ODF2: variants seen among roughly 807,000 people sequenced by gnomAD.
ODF2 encodes outer dense fiber protein 2.
ODF2 carries 47 observed loss-of-function variants against 110.2 expected under a neutral mutation model. The observed-to-expected ratio is 0.43, with a 90% confidence interval of 0.34 to 0.54. The LOEUF is 0.54. Ranked by LOEUF, ODF2 falls within the 20% of genes least tolerant of loss-of-function variation. ODF2 has a pLI of 0.03. For missense variants in ODF2, 812 were observed against 1,054.5 expected (o/e 0.77, Z 3.19); for synonymous variants, 352 against 397.7 (o/e 0.89, Z 1.37).
At chr9:128,476,998 C>CT (rs1253771162) in intron 8 of ODF2, among the ~76,000 whole-genome samples, 2 of 151,264 alleles carry the variant, frequency 1.3e-5, no homozygotes, top group African/African-American at 4.8e-5. Flanking sequence ...AATCCCAGCA[C>CT]TTTGAGAGGC....
chr9:128,483,974 A>G (rs756627219), exon 11 of ODF2: 14 of 1,613,738 alleles, frequency 8.7e-6, no homozygotes, highest in East Asian at 2.2e-5. Context: ...TTCTAAATCC[A>G]TGGAGTCCAT....
chr9:128,477,196 ATACTC>A (rs1841465593), intron 8 of ODF2, among the ~76,000 whole-genome samples: 1 of 150,290 alleles, frequency 6.7e-6, no homozygotes, highest in South Asian at 2.1e-4. Context: ...TTGCACCACT[ATACTC>A]CAGCCTGGGT....
At chr9:128,484,010 C>T (rs866495587) in exon 11 of ODF2, 3 of 1,613,540 alleles carry the variant, frequency 1.9e-6, no homozygotes, top group Non-Finnish European at 2.5e-6. Flanking sequence ...GGCACAGCTT[C>T]GGTCCAAAGA....
chr9:128,498,140 G>A, intron 18 of ODF2: 1 of 292,758 alleles, frequency 3.4e-6, no homozygotes, highest in Non-Finnish European at 6.3e-6. Flanking sequence ...GCTGCAAGTT[G>A]CTGTGTTCCA....
Position 128,484,665 on chromosome 9 carries a change from CT to C in ODF2, c.1105-34del, listed in dbSNP as rs1361803710. The stretch of plus-strand genomic sequence containing the variant: ...GCCTTCCCACAACCTCCTTGTCTCT[CT>C]TCTCCCTCTCTTTCTCACCCCTTCC... On this transcript the variant is annotated intron_variant, in intron 11 of 20. Coordinates refer to ENST00000604420, the Ensembl canonical transcript of ODF2. The C allele has an allele frequency of 5.2e-6, 8 of 1,549,840 alleles. No individual in the cohort carries two copies. In the South Asian group the frequency reaches 9.5e-5, roughly 18 times the overall value.
chr9:128,478,616 A>T (rs938858405), intron 8 of ODF2, among the ~76,000 whole-genome samples: 2 of 152,032 alleles, frequency 1.3e-5, no homozygotes, highest in African/African-American at 4.8e-5. Context: ...AAAAAAAAAA[A>T]AGCCTCTTGC....
intron 14 of ODF2, among the ~76,000 whole-genome samples, chr9:128,489,599 C>T (rs536719198): frequency 1.3e-5 from 2 of 152,296 alleles, no homozygotes; most frequent in East Asian, 1.9e-4. Context: ...TAGGGTATGT[C>T]GTTATATGAA....
In ODF2 at chr9:128,469,492, C is replaced by T. The variant is rs1326960435; in HGVS notation, c.420+139C>T. ...GCAGGGTTGCCCCGGGCTTCAGTTGCCTGCCCCGGGAGGTAGCTGGGGCAG... is the reference window on the plus strand; with the variant it reads ...GCAGGGTTGCCCCGGGCTTCAGTTGTCTGCCCCGGGAGGTAGCTGGGGCAG... On this transcript the variant is annotated intron_variant, in intron 5 of 20. Coordinates refer to ENST00000604420, the Ensembl canonical transcript of ODF2. The T allele has an allele frequency of 8.4e-6, 7 of 829,780 alleles. No individual in the cohort carries two copies. In the East Asian group the frequency reaches 1.7e-4, roughly 20 times the overall value. The allele number at this position is 829,780 out of a possible 1,614,324, so 51.4% of individuals were successfully genotyped here.
rs543436778 is a variant in ODF2, at chr9:128,467,770, G to A, written c.250-1413G>A. Among the ~76,000 whole-genome samples, 59 of 146,968 alleles carry A rather than the reference G, an allele frequency of 4.0e-4. No individual in the cohort carries two copies. The South Asian group carries it at 0.012, about 30-fold the overall frequency. ...AAAAAAAAAAAAAAAAAAGCAAAGT[G>A]TTTACAGCTTTGCATAAAGTTTCCT... On this transcript the variant is annotated intron_variant, in intron 4 of 20. Transcript: ENST00000604420.
chr9:128,479,928 A>G (rs920998022), intron 8 of ODF2, among the ~76,000 whole-genome samples: 4 of 152,164 alleles, frequency 2.6e-5, no homozygotes, highest in African/African-American at 7.2e-5. Flanking sequence ...GTTGTACAGT[A>G]TTATGAATAT....
At chr9:128,475,645 T>TC (rs1690793361) in intron 8 of ODF2, among the ~76,000 whole-genome samples, 1 of 151,768 alleles carries the variant, frequency 6.6e-6, no homozygotes, top group Non-Finnish European at 1.5e-5. Flanking sequence ...GAGTTCGACT[T>TC]CTTTTTTTTT....
At chr9:128,467,779 T>A (rs975341328) in intron 4 of ODF2, among the ~76,000 whole-genome samples, 2 of 149,592 alleles carry the variant, frequency 1.3e-5, no homozygotes, top group Non-Finnish European at 1.5e-5. Context: ...TGTTTACAGC[T>A]TTGCATAAAG....
chr9:128,481,978 C>T (rs1029030593), intron 9 of ODF2, among the ~76,000 whole-genome samples: 4 of 152,168 alleles, frequency 2.6e-5, no homozygotes, highest in Non-Finnish European at 5.9e-5. Flanking sequence ...TCAAAAAGTA[C>T]ACACCTTTGG....
chr9:128,457,403 G>A, exon 2 of ODF2: 1 of 1,613,114 alleles, frequency 6.2e-7, no homozygotes, highest in Non-Finnish European at 8.5e-7. Flanking sequence ...TTGATGCCTA[G>A]CCATGTCTGC....
upstream of ODF2, chr9:128,456,140 G>A (rs1834706845): frequency 1.3e-6 from 2 of 1,548,576 alleles, no homozygotes; most frequent in South Asian, 1.2e-5. Context: ...GAAGCGGGGA[G>A]GAGCCGCTGC....
chr9:128,484,145 T>G, intron 11 of ODF2, 91 bp downstream of exon 11: 1 of 925,146 alleles, frequency 1.1e-6, no homozygotes, highest in Non-Finnish European at 1.7e-6. Context: ...ACTCAGGAAG[T>G]GTGCCTCCAA....
intron 4 of ODF2, chr9:128,468,928 A>G (rs1839015580): frequency 4.5e-6 from 2 of 447,968 alleles, no homozygotes. Context: ...CAGGGTATCC[A>G]GCCTATGTTC....
At chr9:128,471,671 C>T (rs1012252135) in intron 6 of ODF2, among the ~76,000 whole-genome samples, 3 of 151,930 alleles carry the variant, frequency 2.0e-5, no homozygotes, top group African/African-American at 7.3e-5. Flanking sequence ...AAGGGAGGAC[C>T]CCGTGGATTG....
intron 8 of ODF2, among the ~76,000 whole-genome samples, chr9:128,475,641 G>A (rs921034206): frequency 1.2e-4 from 18 of 151,622 alleles, no homozygotes; most frequent in African/African-American, 3.6e-4. Context: ...CTGTGAGTTC[G>A]ACTTCTTTTT....
Sources: gnomAD v4.1 joint callset for allele counts (sites outside exome capture counted in the v4.1 genomes callset) on GRCh38, gnomAD v4.1.1 for gene constraint, MANE v1.5 for transcripts, NCBI Gene and HGNC (gene_info 2026-07-23, HGNC 2026-07-21) for gene names.